Variants in GON4L observed in about 807,000 individuals in gnomAD.
GON4L encodes the protein gon-4 like, also known as GON-4-like protein.
Under a neutral mutation model 211.8 loss-of-function variants are expected in GON4L, and 87 were observed. The observed-to-expected ratio is 0.41, with a 90% confidence interval of 0.35 to 0.49. The LOEUF (loss-of-function observed/expected upper bound fraction) is 0.49. GON4L is among the 20% of genes least tolerant of loss of function. The probability of loss-of-function intolerance (pLI) is 0.15; values close to 1 mark genes in which losing one functional copy is unlikely to be tolerated. For missense variants in GON4L, 2,155 were observed against 2,659.5 expected, an observed-to-expected ratio of 0.81 and a Z score of 4.17; for synonymous variants, 875 against 962.6, an observed-to-expected ratio of 0.91 and a Z score of 1.68.
intron 18 of GON4L, among the ~76,000 whole-genome samples, chr1:155,772,488 C>T (rs1455568013): frequency 4.0e-5 from 6 of 151,232 alleles, no homozygotes; most frequent in Non-Finnish European, 8.8e-5. Flanking sequence ...TGTGGTGGCT[C>T]ATGCCTGTAA....
At chr1:155,816,285 ATTAAG>A (rs1446780083) in intron 6 of GON4L, 23 bp from the exon 7 acceptor site, 9 of 1,063,276 alleles carry the variant, frequency 8.5e-6, no homozygotes, top group East Asian at 2.4e-5. Context: ...AATATAAATA[ATTAAG>A]TTATCTTAAC....
intron 2 of GON4L, among the ~76,000 whole-genome samples, chr1:155,841,392 C>G (rs761193843): frequency 1.8e-4 from 28 of 152,178 alleles, no homozygotes; most frequent in South Asian, 1.2e-3. Flanking sequence ...CACACAGATA[C>G]CTAAATAGCT....
chr1:155,836,272 C>T (rs530214076), intron 2 of GON4L, among the ~76,000 whole-genome samples: 6 of 130,380 alleles, frequency 4.6e-5, no homozygotes, highest in South Asian at 2.7e-4. Context: ...TTTTTTGAGA[C>T]GACATCTTGC....
chr1:155,797,041 C>T (rs1666131976), intron 11 of GON4L, among the ~76,000 whole-genome samples: 1 of 152,244 alleles, frequency 6.6e-6, no homozygotes, highest in South Asian at 2.1e-4. Context: ...TGACTGAACA[C>T]CCACAGAGTA....
In GON4L at chr1:155,773,214, T is replaced by C; in HGVS notation, c.2351-4A>G. 1.2e-6 allele frequency: 2 copies of C among 1,614,032 alleles called. No homozygotes were observed. The highest frequency in any genetic ancestry group is 1.7e-6 in the Non-Finnish European group (2 of 1,179,926). On this transcript the variant is annotated splice_region_variant and splice_polypyrimidine_tract_variant and intron_variant, in intron 17 of 31. Transcript: ENST00000368331. ...GGCAAACAGGGAAATTCATTCGCTA[T>C]AAGAAAATAAATCTCGGATAAATCA...
At chr1:155,792,678 T>C (rs1431690374) in intron 12 of GON4L, among the ~76,000 whole-genome samples, 1 of 152,234 alleles carries the variant, frequency 6.6e-6, no homozygotes, top group Admixed American at 6.5e-5. Flanking sequence ...TCCAGGATGA[T>C]AGCTGAACTT....
intron 19 of GON4L, among the ~76,000 whole-genome samples, chr1:155,770,294 C>G (rs1404752863): frequency 6.6e-6 from 1 of 151,942 alleles, no homozygotes; most frequent in Non-Finnish European, 1.5e-5. Flanking sequence ...GGAGGCCAAG[C>G]TGAGGCAGGC....
At chr1:155,778,141 G>T (rs1159942376) in intron 14 of GON4L, among the ~76,000 whole-genome samples, 1 of 152,116 alleles carries the variant, frequency 6.6e-6, no homozygotes. Flanking sequence ...AGGAGCTGGT[G>T]GGAACTCATC....
chr1:155,852,548 T>C (rs532287126), intron 2 of GON4L, among the ~76,000 whole-genome samples: 15 of 151,114 alleles, frequency 9.9e-5, no homozygotes, highest in African/African-American at 3.6e-4. Flanking sequence ...GAGACCATCC[T>C]GGCTAACACA....
intron 3 of GON4L, among the ~76,000 whole-genome samples, chr1:155,825,576 C>CAAA (rs58768970): frequency 1.4e-5 from 2 of 140,558 alleles, no homozygotes; most frequent in African/African-American, 2.7e-5. Context: ...TGTCTCAAAA[C>CAAA]AAAAAAAAAA....
chr1:155,777,691 A>T lies in GON4L; in HGVS notation c.2022T>A (p.Ser674Arg). The change falls in exon 15 of 32, where the codon AGT (serine) becomes AGA (arginine). Residue 674 changes from serine (S) to arginine (R), a missense_variant. By Grantham distance (110) the Ser-to-Arg change is moderately radical (BLOSUM62 -1). Around this residue, in one of 6 missense-constraint regions of GON4L, gnomAD observed 551 missense variants for 854.0 expected, o/e 0.65. Coordinates refer to ENST00000368331, the MANE Select transcript of GON4L (RefSeq NM_001282860.2). ...GAATCAGAGTCTGATGAACTTTCTC[A>T]CTCTGGGGTTTAACCTTCTCTACTT... ...LQEVEKVKPQ[S>R]EKVHQTLILD... 1 of 1,613,528 alleles carries T rather than the reference A, an allele frequency of 6.2e-7. No individual in the cohort carries two copies. The highest frequency in any genetic ancestry group is 8.5e-7 in the Non-Finnish European group (1 of 1,179,668).
chr1:155,761,887 G>A (rs1170433372), intron 23 of GON4L, among the ~76,000 whole-genome samples: 7 of 152,178 alleles, frequency 4.6e-5, no homozygotes, highest in Non-Finnish European at 7.3e-5. Context: ...GTTCTATAAA[G>A]GTCCTTATCA....
chr1:155,773,337 C>A (rs1357579026), intron 17 of GON4L, 127 bp from the exon 18 acceptor site: 2 of 998,718 alleles, frequency 2.0e-6, no homozygotes, highest in Non-Finnish European at 3.0e-6. Flanking sequence ...TCCCATCTGC[C>A]CACCATCCCC....
intron 10 of GON4L, among the ~76,000 whole-genome samples, chr1:155,807,703 CAA>C (rs61248477): frequency 0.035 from 1,874 of 52,814 alleles, 18 homozygotes; most frequent in Middle Eastern, 0.079. Flanking sequence ...GACTCCGTCT[CAA>C]AAAAAAAAAA....
At chr1:155,787,030 T>C (rs1219519147) in intron 12 of GON4L, among the ~76,000 whole-genome samples, 1 of 152,034 alleles carries the variant, frequency 6.6e-6, no homozygotes, top group Non-Finnish European at 1.5e-5. Flanking sequence ...CACGCCATTC[T>C]CCTGCCTCAG....
Position 155,763,443 on chromosome 1 carries a change from G to C in GON4L, c.4595C>G (p.Ala1532Gly). The C allele has an allele frequency of 6.4e-7, 1 of 1,563,352 alleles. No homozygotes were observed. Among genetic ancestry groups the C allele is most frequent in the Non-Finnish European group, 8.7e-7 (1 of 1,153,222 alleles). ...SEPEEEEEEE[A>G]EGMESLQKED... ...TTTCTGCAGGCTTTCCATTCCTTCT[G>C]CTTCTTCTTCCTCCTCTTCTTCTGG... Residue 1532 changes from alanine (A) to glycine (G), a missense_variant, in exon 22 of 32, where the codon GCA (alanine) becomes GGA (glycine). Physicochemically the swap from Ala to Gly is moderately conservative, Grantham distance 60. Transcript: ENST00000368331.
rs1329540573 is a variant in GON4L at position 155,781,902 on chromosome 1, G to A, written c.1892+2084C>T. ...CTCCCAAGTAGCTGGGATTACAGGCGTGTGCCACCACACCCAGCTAATTTT... is the reference window on the plus strand; with the variant it reads ...CTCCCAAGTAGCTGGGATTACAGGCATGTGCCACCACACCCAGCTAATTTT... On this transcript the variant is annotated intron_variant, in intron 14 of 31. Transcript: ENST00000368331. 1.3e-4 allele frequency among the ~76,000 whole-genome samples: 20 copies of A among 152,098 alleles called. No homozygotes were observed. The East Asian group carries it at 2.1e-3, about 16-fold the overall frequency.
chr1:155,836,852 G>C (rs1292323840), intron 2 of GON4L, among the ~76,000 whole-genome samples: 3 of 152,072 alleles, frequency 2.0e-5, no homozygotes, highest in East Asian at 1.9e-4. Flanking sequence ...CCCTGTTTTG[G>C]CAATTTGGGC....
intron 2 of GON4L, among the ~76,000 whole-genome samples, chr1:155,849,226 C>A: frequency 6.8e-6 from 1 of 148,054 alleles, no homozygotes; most frequent in East Asian, 2.0e-4. Flanking sequence ...GAGGCTGAGG[C>A]GGGTGGTCAT....
Sources: gnomAD v4.1 joint callset for allele counts (sites outside exome capture counted in the v4.1 genomes callset) on GRCh38, gnomAD v4.1.1 for gene constraint, gnomAD v4.1.1 regional missense constraint, MANE v1.5 for transcripts, NCBI Gene and HGNC (gene_info 2026-07-23, HGNC 2026-07-21) for gene names.